The following HORMAD2 variants were observed in gnomAD, a reference collection of about 807,000 sequenced individuals.
HORMAD2 encodes the protein HORMA domain-containing protein 2.
In HORMAD2, 45 loss-of-function variants were observed where a neutral mutation model predicts 38.8. That is an observed-to-expected ratio of 1.16 (90% CI 0.91 to 1.49). The LOEUF (loss-of-function observed/expected upper bound fraction) is 1.49, where lower values mean the gene tolerates loss of function less well. Ranked by LOEUF, HORMAD2 falls within the 40% of genes most tolerant of loss-of-function variation. HORMAD2 has a pLI of 0.00. For missense variants in HORMAD2, 338 were observed against 367.0 expected (o/e 0.92, Z 0.65); for synonymous variants, 126 against 122.8 (o/e 1.03, Z -0.17).
At chr22:30,180,859 CCTTCCCTT>C (rs1926668596), downstream of HORMAD2, among the ~76,000 whole-genome samples, 1 of 144,268 alleles carries the variant, frequency 6.9e-6, no homozygotes, top group Non-Finnish European at 1.5e-5. Flanking sequence ...TCCCTTCTTC[CCTTCCCTT>C]CTTCCCTTCC....
intron 10 of HORMAD2, among the ~76,000 whole-genome samples, chr22:30,160,473 G>A (rs1263545039): frequency 6.6e-6 from 1 of 152,016 alleles, no homozygotes; most frequent in Non-Finnish European, 1.5e-5. Flanking sequence ...ACAACTTGAA[G>A]AGGGTGATAT....
the HORMAD2 span, among the ~76,000 whole-genome samples, chr22:30,191,390 T>C: frequency 6.6e-6 from 1 of 152,114 alleles, no homozygotes; most frequent in African/African-American, 2.4e-5. Flanking sequence ...CTTGGGAGGA[T>C]GGGAAGAGGA....
chr22:30,183,291 G>T, the HORMAD2 span, among the ~76,000 whole-genome samples: 2 of 152,170 alleles, frequency 1.3e-5, no homozygotes, highest in Non-Finnish European at 2.9e-5. Flanking sequence ...AACTTACACT[G>T]GGGTAACCAC....
At chr22:30,106,362 A>G (rs891819061) in intron 5 of HORMAD2, among the ~76,000 whole-genome samples, 2 of 152,178 alleles carry the variant, frequency 1.3e-5, no homozygotes, top group Non-Finnish European at 2.9e-5. Context: ...AAAATATCAG[A>G]GATATTTCAA....
At chr22:30,139,158 G>T (rs1320798293) in intron 10 of HORMAD2, among the ~76,000 whole-genome samples, 1 of 150,614 alleles carries the variant, frequency 6.6e-6, no homozygotes, top group African/African-American at 2.4e-5. Context: ...TCTCATGCCT[G>T]CTGGTTCACA....
At chr22:30,094,753 A>G (rs2068752423) in intron 2 of HORMAD2, among the ~76,000 whole-genome samples, 1 of 152,188 alleles carries the variant, frequency 6.6e-6, no homozygotes, top group Admixed American at 6.5e-5. Context: ...TTGAATGATG[A>G]AGATAATTTG....
the HORMAD2 span, among the ~76,000 whole-genome samples, chr22:30,191,388 G>A: frequency 6.6e-6 from 1 of 152,302 alleles, no homozygotes; most frequent in African/African-American, 2.4e-5. Context: ...GGCTTGGGAG[G>A]ATGGGAAGAG....
At chr22:30,126,288 C>A (rs1359671862) in intron 10 of HORMAD2, among the ~76,000 whole-genome samples, 5 of 152,112 alleles carry the variant, frequency 3.3e-5, no homozygotes, top group Non-Finnish European at 5.9e-5. Context: ...CCTGTCTCAG[C>A]CTCTCAAGTA....
At chr22:30,132,091 A>G (rs1001105259) in intron 10 of HORMAD2, among the ~76,000 whole-genome samples, 2 of 152,214 alleles carry the variant, frequency 1.3e-5, no homozygotes, top group African/African-American at 4.8e-5. Flanking sequence ...GTCTCCCACT[A>G]AACTCTGAAC....
chr22:30,082,648 G>T (rs1601490606), intron 1 of HORMAD2, among the ~76,000 whole-genome samples: 1 of 150,732 alleles, frequency 6.6e-6, no homozygotes, highest in Non-Finnish European at 1.5e-5. Context: ...TTAAAAATTA[G>T]CAGGGCATGG....
chr22:30,201,873 C>T, the HORMAD2 span, among the ~76,000 whole-genome samples: 6 of 152,146 alleles, frequency 3.9e-5, no homozygotes, highest in African/African-American at 1.4e-4. Context: ...AAGGTGGCCA[C>T]ACGGTGAAGG....
intron 5 of HORMAD2, among the ~76,000 whole-genome samples, chr22:30,106,244 C>T (rs1336048508): frequency 6.6e-6 from 1 of 152,170 alleles, no homozygotes; most frequent in African/African-American, 2.4e-5. Flanking sequence ...CTCCTGACCT[C>T]AAGTGATCTG....
intron 10 of HORMAD2, among the ~76,000 whole-genome samples, chr22:30,163,012 A>G (rs748443802): frequency 2.6e-5 from 4 of 152,080 alleles, no homozygotes; most frequent in Non-Finnish European, 5.9e-5. Context: ...ATTTGTGGAC[A>G]TCTTAAAATC....
intron 2 of HORMAD2, among the ~76,000 whole-genome samples, chr22:30,097,704 A>G (rs1250298931): frequency 6.6e-6 from 1 of 152,182 alleles, no homozygotes; most frequent in Non-Finnish European, 1.5e-5. Flanking sequence ...TAAGATTTTG[A>G]CAGTTCTGAA....
the HORMAD2 span, among the ~76,000 whole-genome samples, chr22:30,185,567 T>G: frequency 6.6e-6 from 1 of 152,230 alleles, no homozygotes; most frequent in African/African-American, 2.4e-5. Context: ...AGATTTCAAG[T>G]GCTTCTTAAA....
At chr22:30,171,310 G>A (rs1021085664) in intron 10 of HORMAD2, among the ~76,000 whole-genome samples, 2 of 152,092 alleles carry the variant, frequency 1.3e-5, no homozygotes, top group African/African-American at 4.8e-5. Context: ...ATGTCCACAC[G>A]AAGGTTTTGT....
chr22:30,099,778 T>C (rs1920930863), intron 3 of HORMAD2, among the ~76,000 whole-genome samples: 1 of 152,100 alleles, frequency 6.6e-6, no homozygotes, highest in Non-Finnish European at 1.5e-5. Context: ...TCCCAGCTAC[T>C]TGGGAGGCTG....
the HORMAD2 span, among the ~76,000 whole-genome samples, chr22:30,192,683 G>T: frequency 2.6e-5 from 4 of 152,090 alleles, no homozygotes; most frequent in Non-Finnish European, 4.4e-5. Flanking sequence ...GCTGGAATTT[G>T]GTCTTTTTCT....
intron 10 of HORMAD2, among the ~76,000 whole-genome samples, chr22:30,141,032 C>G (rs1924032740): frequency 1.3e-5 from 2 of 152,146 alleles, no homozygotes; most frequent in South Asian, 2.1e-4. Flanking sequence ...CTCTCTCTCT[C>G]TGTCACCCAG....
Sources: allele counts gnomAD v4.1 joint callset (sites outside exome capture counted in the v4.1 genomes callset), GRCh38; gene constraint gnomAD v4.1.1; transcripts MANE v1.5; gene names NCBI Gene and HGNC (gene_info 2026-07-23, HGNC 2026-07-21).